The following FOSL2 variants were observed in gnomAD, a reference collection of about 807,000 sequenced individuals.
FOSL2 encodes FOS like 2, AP-1 transcription factor subunit, also known as fos-related antigen 2.
In FOSL2, 3 loss-of-function variants were observed where a neutral mutation model predicts 27.7. The ratio of observed to expected loss-of-function variants is 0.11; its 90% CI spans 0.05 to 0.28. The LOEUF is 0.28. Ranked by LOEUF, FOSL2 falls within the 10% of genes least tolerant of loss-of-function variation. FOSL2 has a pLI of 1.00. For missense variants in FOSL2, 333 were observed against 445.1 expected (o/e 0.75, Z 2.27); for synonymous variants, 179 against 190.1 (o/e 0.94, Z 0.48).
At position 28,408,903 on chromosome 2, in the gene FOSL2, T is replaced by A. The variant is rs1664136179; in HGVS notation, c.462+37T>A. 1 of 1,463,882 alleles carries A rather than the reference T, an allele frequency of 6.8e-7. No homozygotes were observed. Among genetic ancestry groups the A allele is most frequent in the Non-Finnish European group, 9.3e-7 (1 of 1,075,144 alleles). The allele number at this position is 1,463,882 out of a possible 1,614,324, so 90.7% of individuals were successfully genotyped here. On this transcript the variant is annotated intron_variant, in intron 3 of 3. Transcript: ENST00000264716. The surrounding 1 kb of genome is among the most constrained non-coding windows in gnomAD (Gnocchi z 4.1). ...TGCGTAGGGTGGGAGCACCTCTGGG[T>A]GGGCTGGAGTGAGAGCCCCGGGGGT... is the stretch of plus-strand genomic sequence containing the variant.
At chr2:28,395,508 GC>G (rs1663797782) in intron 1 of FOSL2, 1 of 152,274 alleles carries the variant, frequency 6.6e-6, no homozygotes, top group Non-Finnish European at 1.5e-5. Context: ...AGGGCTTTGA[GC>G]CCAGGATGTG....
chr2:28,393,739 G>T lies in FOSL2; in HGVS notation c.19G>T (p.Gly7Trp), dbSNP rs865778769. Reference sequence around the variant, plus strand: ...GCGGATCATGTACCAGGATTATCCCGGGAACTTTGACACCTCGTCCCGGGG... The same window carrying T: ...GCGGATCATGTACCAGGATTATCCCTGGAACTTTGACACCTCGTCCCGGGG... Reference protein sequence around the residue: MYQDYPGNFDTSSRGSS... With the variant: MYQDYPWNFDTSSRGSS... The change falls in exon 1 of 4, where the codon GGG becomes TGG. Residue 7 changes from glycine to tryptophan, a missense_variant. By Grantham distance (184) the Gly-to-Trp change is radical. Transcript: ENST00000264716. The surrounding 1 kb of genome is among the most constrained non-coding windows in gnomAD (Gnocchi z 4.6). The T allele has an allele frequency of 6.2e-7, 1 of 1,610,098 alleles. No individual in the cohort carries two copies. The highest frequency in any genetic ancestry group is 2.2e-5 in the East Asian group (1 of 44,622).
At chr2:28,409,130 G>A (rs1217393341) in intron 3 of FOSL2, among the ~76,000 whole-genome samples, 2 of 152,212 alleles carry the variant, frequency 1.3e-5, no homozygotes, top group Non-Finnish European at 2.9e-5. Context: ...GCTAGCCACG[G>A]TTTTTACGCA....
intron 1 of FOSL2, among the ~76,000 whole-genome samples, chr2:28,394,285 A>T (rs904408831): frequency 6.6e-6 from 1 of 152,078 alleles, no homozygotes; most frequent in African/African-American, 2.4e-5. Flanking sequence ...TCCATCAGTC[A>T]TAACTCCTTT....
In FOSL2 at chr2:28,393,888, C is replaced by A; in HGVS notation, c.102+66C>A. 9.4e-7 allele frequency: 1 copy of A among 1,058,368 alleles called. No individual in the cohort carries two copies. Among genetic ancestry groups the A allele is most frequent in the Non-Finnish European group, 1.4e-6 (1 of 726,454 alleles). The allele number at this position is 1,058,368 out of a possible 1,614,324, so 65.6% of individuals were successfully genotyped here. On this transcript the variant is annotated intron_variant, in intron 1 of 3. Transcript: ENST00000264716. The surrounding 1 kb of genome is among the most constrained non-coding windows in gnomAD (Gnocchi z 4.6). Reference sequence around the variant, plus strand: ...CCCTGCCCTCTTCTCGCCGCCACTGCCTCTTTTGCTTTCTTTTCTTTTTCT... The same window carrying A: ...CCCTGCCCTCTTCTCGCCGCCACTGACTCTTTTGCTTTCTTTTCTTTTTCT...
chr2:28,394,860 T>C (rs1462627954), intron 1 of FOSL2, among the ~76,000 whole-genome samples: 1 of 152,072 alleles, frequency 6.6e-6, no homozygotes, highest in Non-Finnish European at 1.5e-5. Flanking sequence ...GAGTCTAGCA[T>C]AGTTGGCTGC....
Position 28,412,477 on chromosome 2 carries a change from AG to A in FOSL2, c.*34del, listed in dbSNP as rs762943930. On this transcript the variant is annotated 3_prime_UTR_variant, in exon 4 of 4. Transcript: ENST00000264716. The surrounding 1 kb of genome is among the most constrained non-coding windows in gnomAD (Gnocchi z 7.1). The stretch of plus-strand genomic sequence containing the variant: ...AGTGCACCTCCCTCCCCAGCTCCGG[AG>A]GGGGTCCTCCTCGCTCCTCCTTCCC... The A allele has an allele frequency of 3.2e-5, 51 of 1,585,628 alleles. No homozygotes were observed. The highest frequency in any genetic ancestry group is 1.3e-5 in the African/African-American group (1 of 74,692).
At position 28,407,154 on chromosome 2, in the gene FOSL2, C is replaced by A. The variant is rs568332062; in HGVS notation, c.355-1605C>A. On this transcript the variant is annotated intron_variant, in intron 2 of 3. Coordinates refer to ENST00000264716, the MANE Select transcript of FOSL2 (RefSeq NM_005253.4). ...GCTTGAACTGGGTCAAGGCCAGCCT[C>A]CTTCTTTTCTGCCTCTCATTAGCGA... 2.0e-5 allele frequency among the ~76,000 whole-genome samples: 3 copies of A among 152,338 alleles called. No individual in the cohort carries two copies. In the East Asian group the frequency reaches 5.8e-4, roughly 29 times the overall value.
chr2:28,394,979 C>G (rs964373092), intron 1 of FOSL2, among the ~76,000 whole-genome samples: 2 of 149,368 alleles, frequency 1.3e-5, no homozygotes. Flanking sequence ...TGGAACGTGG[C>G]TCTCTTTTGG....
At position 28,405,554 on chromosome 2, in the gene FOSL2, C is replaced by G. The variant is rs143957884; in HGVS notation, c.354+1196C>G. On this transcript the variant is annotated intron_variant, in intron 2 of 3. Transcript: ENST00000264716. ...ATATACGGACCTTTCAAACATGGTT[C>G]CCAGTGGATCAGGGTAGATCCAGAC... is the stretch of plus-strand genomic sequence containing the variant. 1.2e-3 allele frequency among the ~76,000 whole-genome samples: 185 copies of G among 152,296 alleles called. 1 individual carries two copies. Among genetic ancestry groups the G allele is most frequent in the African/African-American group, 4.3e-3 (180 of 41,564 alleles).
Position 28,413,700 on chromosome 2 carries a change from T to C in FOSL2, c.*1252T>C. On this transcript the variant is annotated 3_prime_UTR_variant, in exon 4 of 4. Coordinates refer to ENST00000264716, the MANE Select transcript of FOSL2 (RefSeq NM_005253.4). ...GGGCCTTTCCTGCCCTCTGTGGTCA[T>C]CTGCCACCTGCTGGATCAAGTGCTT... 1 of 399,172 alleles carries C rather than the reference T, an allele frequency of 2.5e-6. No homozygotes were observed. Among genetic ancestry groups the C allele is most frequent in the Non-Finnish European group, 4.4e-6 (1 of 226,468 alleles). 24.7% of individuals were successfully genotyped at this position (399,172 alleles called of 1,614,324 possible).
At position 28,408,040 on chromosome 2, in the gene FOSL2, G is replaced by A. The variant is rs567560797; in HGVS notation, c.355-719G>A. Reference sequence around the variant, plus strand: ...CTCACTTGTTGAGTGGACAGATATGGTGGGCAGCAGGATTTTACCTGCTGG... The same window carrying A: ...CTCACTTGTTGAGTGGACAGATATGATGGGCAGCAGGATTTTACCTGCTGG... On this transcript the variant is annotated intron_variant, in intron 2 of 3. Transcript: ENST00000264716. This position sits in a 1 kb window ranked among gnomAD's most constrained non-coding sequence, Gnocchi z 4.1. 1.3e-5 allele frequency among the ~76,000 whole-genome samples: 2 copies of A among 152,322 alleles called. No homozygotes were observed. Among genetic ancestry groups the A allele is most frequent in the East Asian group, 3.9e-4 (2 of 5,184 alleles).
chr2:28,405,174 G>A (rs1335845216), intron 2 of FOSL2, among the ~76,000 whole-genome samples: 2 of 152,184 alleles, frequency 1.3e-5, no homozygotes, highest in African/African-American at 4.8e-5. Context: ...TCTTGGAAAG[G>A]GAAATCAGAA....
At chr2:28,396,767 T>C (rs1663845141) in intron 1 of FOSL2, 1 of 136,166 alleles carries the variant, frequency 7.3e-6, no homozygotes, top group African/African-American at 3.2e-5. Context: ...AGCACTCTTC[T>C]TCCTCAACCA....
At chr2:28,407,307 AG>A in intron 2 of FOSL2, among the ~76,000 whole-genome samples, 1 of 152,296 alleles carries the variant, frequency 6.6e-6, no homozygotes, top group Middle Eastern at 3.4e-3. Context: ...AAGACAAGAC[AG>A]GTTTAGGAGC....
intron 1 of FOSL2, among the ~76,000 whole-genome samples, chr2:28,396,467 G>T (rs1663837433): frequency 8.0e-6 from 1 of 125,162 alleles, no homozygotes; most frequent in African/African-American, 2.6e-5. Context: ...TTTTCTTTTT[G>T]CTGTTGTTTT....
At position 28,412,644 on chromosome 2, in the gene FOSL2, G is replaced by A; in HGVS notation, c.*196G>A. 1 of 570,174 alleles carries A rather than the reference G, an allele frequency of 1.8e-6. No homozygotes were observed. Among genetic ancestry groups the A allele is most frequent in the Non-Finnish European group, 3.1e-6 (1 of 324,664 alleles). 35.3% of individuals were successfully genotyped at this position (570,174 alleles called of 1,614,324 possible). On this transcript the variant is annotated 3_prime_UTR_variant, in exon 4 of 4. Coordinates refer to ENST00000264716, the MANE Select transcript of FOSL2 (RefSeq NM_005253.4). The surrounding 1 kb of genome is among the most constrained non-coding windows in gnomAD (Gnocchi z 7.1). The stretch of plus-strand genomic sequence containing the variant: ...CTTGGGTTGATCTCTTAGAAGCCAT[G>A]GGACCTCCTCCCTCATTCATCTTGC...
Position 28,413,571 on chromosome 2 carries a change from CA to C in FOSL2, c.*1124del, listed in dbSNP as rs1182137521. ...GAAGCATTTGCTGAGGATGGAGAGG[CA>C]GGGGAGGGAGGCGGGAGGCCGTCAC... On this transcript the variant is annotated 3_prime_UTR_variant, in exon 4 of 4. Transcript: ENST00000264716. 1 of 398,700 alleles carries C rather than the reference CA, an allele frequency of 2.5e-6. No homozygotes were observed. The highest frequency in any genetic ancestry group is 2.1e-5 in the African/African-American group (1 of 48,640). 24.7% of individuals were successfully genotyped at this position (398,700 alleles called of 1,614,324 possible).
rs1360141781 is a variant in FOSL2 at position 28,417,094 on chromosome 2, G to A, written c.*4646G>A. The A allele has an allele frequency of 6.6e-6, 1 of 151,912 alleles. No homozygotes were observed. Among genetic ancestry groups the A allele is most frequent in the African/African-American group, 2.4e-5 (1 of 41,324 alleles). The allele number at this position is 151,912 out of a possible 1,614,324, so 9.4% of individuals were successfully genotyped here. A position where few individuals can be genotyped will look rare whatever the true frequency, so the allele number is the denominator to read the frequency against. ...GTAGCTTTGTTTGGAAGCCTTTCTG[G>A]TGGTGGTTTTTGTTGTTGTTGTTGT... On this transcript the variant is annotated 3_prime_UTR_variant, in exon 4 of 4. Coordinates refer to ENST00000264716, the MANE Select transcript of FOSL2 (RefSeq NM_005253.4).
Sources: gnomAD v4.1 joint callset for allele counts (sites outside exome capture counted in the v4.1 genomes callset) on GRCh38, gnomAD v4.1.1 for gene constraint, Gnocchi (gnomAD v3.1) non-coding constraint, MANE v1.5 for transcripts, NCBI Gene and HGNC (gene_info 2026-07-23, HGNC 2026-07-21) for gene names.